VWF: variants seen among roughly 807,000 people sequenced by gnomAD.
VWF encodes the protein Factor VIII related antigen.
In VWF, 176 loss-of-function variants were observed where a neutral mutation model predicts 308.6. That is an observed-to-expected ratio of 0.57 (90% confidence interval 0.50 to 0.65). The LOEUF is 0.65. Among genes scored for constraint, VWF ranks in the 30% least tolerant of loss-of-function variants. The probability of loss-of-function intolerance (pLI) is 0.00; values close to 1 mark genes in which losing one functional copy is unlikely to be tolerated. For missense variants in VWF, 3,146 were observed against 3,648.2 expected (o/e 0.86, Z 3.55); for synonymous variants, 1,385 against 1,443.4 (o/e 0.96, Z 0.92).
At chr12:5,975,748 C>T (rs189657125) in intron 43 of VWF, among the ~76,000 whole-genome samples, 5 of 152,232 alleles carry the variant, frequency 3.3e-5, no homozygotes, top group Admixed American at 3.3e-4. Context: ...AAACCTACTC[C>T]ACCAGTACTT....
intron 6 of VWF, 63 bp downstream of exon 6, chr12:6,095,397 T>C: frequency 6.2e-7 from 1 of 1,611,718 alleles, no homozygotes; most frequent in Non-Finnish European, 8.5e-7. Flanking sequence ...GACTGAGTCC[T>C]TCTGTCTTTT....
intron 2 of VWF, among the ~76,000 whole-genome samples, chr12:6,121,943 AAAAAGAAAAAG>A (rs1174914241): frequency 2.6e-5 from 4 of 152,046 alleles, no homozygotes; most frequent in African/African-American, 9.7e-5. Flanking sequence ...AAAAAAAAAG[AAAAAGAAAAAG>A]AAAAGAAAAG....
At position 5,969,316 on chromosome 12, in the gene VWF, T is replaced by C. The variant is rs532963814; in HGVS notation, c.7624A>G (p.Ile2542Val). Residue 2542 changes from isoleucine (I) to valine (V), a missense_variant, in exon 45 of 52, where the codon ATA becomes GTA. Ile to Val is a conservative substitution (Grantham distance 29, BLOSUM62 3). This residue lies in a region of VWF where 989 missense variants were observed against 1,117.4 expected (regional missense o/e 0.89). Coordinates refer to ENST00000261405, the MANE Select transcript of VWF (RefSeq NM_000552.5). ...GGGCAGGAGACGTTCCTTTGTTGTA[T>C]AAAGACCTCCTCCTTCACTCGGACA... Reference protein sequence around the residue: ...ECVRVKEEVFIQQRNVSCPQL... With the variant: ...ECVRVKEEVFVQQRNVSCPQL... The C allele has an allele frequency of 3.1e-4, 504 of 1,614,168 alleles. 5 individuals carry two copies. The South Asian group carries it at 5.1e-3, about 16-fold the overall frequency.
intron 18 of VWF, among the ~76,000 whole-genome samples, chr12:6,039,255 T>A (rs1249465477): frequency 6.6e-6 from 1 of 152,196 alleles, no homozygotes; most frequent in Non-Finnish European, 1.5e-5. Flanking sequence ...ACTCATGACA[T>A]CTTCAGTCCG....
At chr12:6,069,437 C>G (rs1475609342) in intron 10 of VWF, among the ~76,000 whole-genome samples, 2 of 152,122 alleles carry the variant, frequency 1.3e-5, no homozygotes, top group Non-Finnish European at 2.9e-5. Flanking sequence ...TGCAGAGAAG[C>G]TCCGGCCTGC....
Position 5,974,969 on chromosome 12 carries a change from G to T in VWF, c.7437+1142C>A, listed in dbSNP as rs925719313. 3.9e-5 allele frequency among the ~76,000 whole-genome samples: 6 copies of T among 152,200 alleles called. 1 individual carries two copies. On this transcript the variant is annotated intron_variant, in intron 43 of 51. Transcript: ENST00000261405. ...TATTGGTTGTCAATTTTCTAAAAAT[G>T]ACCTCTAAGCAGCACTCTCTTTATT... is the stretch of plus-strand genomic sequence containing the variant.
At chr12:6,061,674 G>C (rs1335549343) in intron 13 of VWF, among the ~76,000 whole-genome samples, 1 of 152,160 alleles carries the variant, frequency 6.6e-6, no homozygotes, top group African/African-American at 2.4e-5. Context: ...AGGGATCCCA[G>C]GCATAATCTA....
intron 19 of VWF, 74 bp from the exon 20 acceptor site, chr12:6,034,900 A>G (rs1944318240): frequency 2.5e-6 from 4 of 1,582,700 alleles, no homozygotes; most frequent in South Asian, 2.2e-5. Context: ...CATGGAGGCA[A>G]TGAAGGAACA....
In VWF at chr12:6,123,129, C is replaced by T; in HGVS notation, c.55+13G>A. On this transcript the variant is annotated intron_variant, in intron 2 of 51. Transcript: ENST00000261405. The stretch of plus-strand genomic sequence containing the variant: ...GGGGCAGGAATGAGAAATGGAGGCC[C>T]TTTTGTACCTACCTGGCAAAATGAG... 1 of 1,614,172 alleles carries T rather than the reference C, an allele frequency of 6.2e-7. No homozygotes were observed.
Position 6,020,017 on chromosome 12 carries a change from T to C in VWF, c.3675-274A>G, listed in dbSNP as rs1254095359. On this transcript the variant is annotated intron_variant, in intron 27 of 51. Coordinates refer to ENST00000261405, the MANE Select transcript of VWF (RefSeq NM_000552.5). This position sits in a 1 kb window ranked among gnomAD's most constrained non-coding sequence, Gnocchi z 4.3. ...GCCCATCCTAGGATATGAAAAAATA[T>C]ACTCGTTGTTCTAGGCCATCCACAC... 2.6e-5 allele frequency among the ~76,000 whole-genome samples: 4 copies of C among 152,188 alleles called. No individual in the cohort carries two copies. In the East Asian group the frequency reaches 7.7e-4, roughly 29 times the overall value.
intron 5 of VWF, among the ~76,000 whole-genome samples, chr12:6,101,963 T>C (rs527790644): frequency 2.6e-5 from 4 of 152,050 alleles, no homozygotes; most frequent in Non-Finnish European, 5.9e-5. Flanking sequence ...TTTTGGGTCA[T>C]GTCCAAATGA....
At chr12:6,036,623 C>A in intron 18 of VWF, 132 bp from the exon 19 acceptor site, 1 of 855,072 alleles carries the variant, frequency 1.2e-6, no homozygotes, top group East Asian at 2.7e-5. Flanking sequence ...GGCACCAGGA[C>A]CAGGGCTGAG....
chr12:6,016,226 G>A lies in VWF; in HGVS notation c.5318C>T (p.Ala1773Val), dbSNP rs1319094965. The A allele has an allele frequency of 1.2e-6, 2 of 1,614,174 alleles. No individual in the cohort carries two copies. Among genetic ancestry groups the A allele is most frequent in the East Asian group, 2.2e-5 (1 of 44,882 alleles). Residue 1773 changes from alanine (A) to valine (V), a missense_variant, in exon 31 of 52, where the codon GCC (alanine) becomes GTC (valine). Coordinates refer to ENST00000261405, the MANE Select transcript of VWF (RefSeq NM_000552.5). ...REGGPSQIGD[A>V]LGFAVRYLTS... is the part of the protein sequence containing the mutation. ...CAAGTATCGCACAGCAAAGCCCAAGGCATCCCCTGAGGATGGAGAACAGAT... is the reference window on the plus strand; with the variant it reads ...CAAGTATCGCACAGCAAAGCCCAAGACATCCCCTGAGGATGGAGAACAGAT...
In VWF at chr12:5,985,444, C is replaced by G. The variant is rs1943668674; in HGVS notation, c.6901+119G>C. 5.1e-6 allele frequency: 6 copies of G among 1,167,570 alleles called. No individual in the cohort carries two copies. In the South Asian group the frequency reaches 5.3e-5, roughly 10 times the overall value. 72.3% of individuals were successfully genotyped at this position (1,167,570 alleles called of 1,614,324 possible). ...GGCTGGGCAAGGAAGCCCACCCACT[C>G]TAGGACTCTAGGTGCCAGTGTTTGA... On this transcript the variant is annotated intron_variant, in intron 39 of 51. Coordinates refer to ENST00000261405, the MANE Select transcript of VWF (RefSeq NM_000552.5).
intron 38 of VWF, among the ~76,000 whole-genome samples, chr12:5,988,825 G>GCGTGA (rs1407889621): frequency 6.6e-6 from 1 of 152,210 alleles, no homozygotes; most frequent in African/African-American, 2.4e-5. Context: ...CAGGGCCCAG[G>GCGTGA]CGTGACTATC....
At chr12:6,045,646 C>T (rs1168154017) in intron 17 of VWF, among the ~76,000 whole-genome samples, 1 of 152,188 alleles carries the variant, frequency 6.6e-6, no homozygotes, top group Admixed American at 6.5e-5. Context: ...CAGTCGGTCA[C>T]GCCAGGAGCC....
intron 31 of VWF, 128 bp from the exon 32 acceptor site, chr12:6,013,773 T>G (rs1944024099): frequency 9.7e-7 from 1 of 1,032,862 alleles, no homozygotes; most frequent in African/African-American, 1.6e-5. Flanking sequence ...ATCAGCCCTA[T>G]GAGGAAGATG....
Position 6,023,621 on chromosome 12 carries a change from C to T in VWF, c.3379+10G>A, listed in dbSNP as rs377317762. 6.5e-5 allele frequency: 105 copies of T among 1,613,576 alleles called. No individual in the cohort carries two copies. Among genetic ancestry groups the T allele is most frequent in the Middle Eastern group, 1.6e-4 (1 of 6,074 alleles). Reference sequence around the variant, plus strand: ...AGGGCATCTGAGAACATGAGGGCGTCAGTACTCACGGCACAATGTGGCCGT... The same window carrying T: ...AGGGCATCTGAGAACATGAGGGCGTTAGTACTCACGGCACAATGTGGCCGT... On this transcript the variant is annotated intron_variant, in intron 25 of 51. Transcript: ENST00000261405.
chr12:5,996,250 G>A, intron 34 of VWF, 28 bp from the exon 35 acceptor site: 1 of 1,588,030 alleles, frequency 6.3e-7, no homozygotes, highest in Non-Finnish European at 8.6e-7. Flanking sequence ...GAGGATGGAT[G>A]CGACGTTATC....
Sources: gnomAD v4.1 joint callset for allele counts (sites outside exome capture counted in the v4.1 genomes callset) on GRCh38, gnomAD v4.1.1 for gene constraint, gnomAD v4.1.1 regional missense constraint, Gnocchi (gnomAD v3.1) non-coding constraint, MANE v1.5 for transcripts, NCBI Gene and HGNC (gene_info 2026-07-23, HGNC 2026-07-21) for gene names.